The following PPP6C variants were observed in gnomAD, a reference collection of about 807,000 sequenced individuals.
PPP6C encodes serine/threonine-protein phosphatase 6 catalytic subunit.
In PPP6C, 11 loss-of-function variants were observed where a neutral mutation model predicts 39.8. The ratio of observed to expected loss-of-function variants is 0.28; its 90% CI spans 0.17 to 0.46. The LOEUF is 0.46. Among genes scored for constraint, PPP6C ranks in the 20% least tolerant of loss-of-function variants. The pLI is 1.00. For synonymous variants in PPP6C, 129 were observed against 130.3 expected (o/e 0.99, Z 0.07); for missense variants, 211 against 373.9 (o/e 0.56, Z 3.59).
chr9:125,167,414 G>T (rs1310569363), intron 2 of PPP6C, among the ~76,000 whole-genome samples: 3 of 139,510 alleles, frequency 2.2e-5, no homozygotes, highest in Non-Finnish European at 3.1e-5. Flanking sequence ...TAAAAAAAAG[G>T]CCGGGCATGG....
At chr9:125,188,963 G>C (rs369262129) in intron 1 of PPP6C, 17 of 1,543,434 alleles carry the variant, frequency 1.1e-5, no homozygotes, top group Non-Finnish European at 1.2e-5. Context: ...TTAAGAAGGG[G>C]TTAAGGAGAA....
Position 125,160,806 on chromosome 9 carries a change from T to A in PPP6C, c.237+35A>T, listed in dbSNP as rs770304401. The A allele has an allele frequency of 2.4e-5, 34 of 1,439,170 alleles. No individual in the cohort carries two copies. In the Admixed American group the frequency reaches 2.5e-4, roughly 11 times the overall value. The allele number at this position is 1,439,170 out of a possible 1,614,324, so 89.2% of individuals were successfully genotyped here. ...TTAATAAGTCAGATCCTTTCCATTTTAAACAAGCACTTGATATCACTGGTG... is the reference window on the plus strand; with the variant it reads ...TTAATAAGTCAGATCCTTTCCATTTAAAACAAGCACTTGATATCACTGGTG... On this transcript the variant is annotated intron_variant, in intron 3 of 6. Transcript: ENST00000373547.
rs1321462636 is a variant in PPP6C, at chr9:125,147,376, C to G, written c.*2297G>C. 1 of 152,176 alleles carries G rather than the reference C, an allele frequency of 6.6e-6. No homozygotes were observed. Among genetic ancestry groups the G allele is most frequent in the Non-Finnish European group, 1.5e-5 (1 of 68,036 alleles). 9.4% of individuals were successfully genotyped at this position (152,176 alleles called of 1,614,324 possible). Reference sequence around the variant, plus strand: ...AATCCTCCTGCCCATAAATCTATGACTTGCAAGTATCTTCCACCACATGAT... The same window carrying G: ...AATCCTCCTGCCCATAAATCTATGAGTTGCAAGTATCTTCCACCACATGAT... On this transcript the variant is annotated 3_prime_UTR_variant, in exon 7 of 7. Transcript: ENST00000373547.
intron 6 of PPP6C, among the ~76,000 whole-genome samples, chr9:125,152,864 T>C (rs955321743): frequency 6.6e-6 from 1 of 151,362 alleles, no homozygotes. Flanking sequence ...TTGTCTCTTG[T>C]AGAGGAAACT....
chr9:125,155,965 T>C (rs1836061949), intron 4 of PPP6C, among the ~76,000 whole-genome samples: 1 of 151,828 alleles, frequency 6.6e-6, no homozygotes, highest in Non-Finnish European at 1.5e-5. Flanking sequence ...ATTTTATATA[T>C]TATACATGTA....
chr9:125,151,126 CAGA>C (rs1835929191), intron 6 of PPP6C: 2 of 1,377,792 alleles, frequency 1.5e-6, no homozygotes, highest in Admixed American at 1.7e-5. Context: ...TATCTCTGAG[CAGA>C]AGAACTGCAC....
chr9:125,163,812 T>C (rs1011773773), intron 2 of PPP6C, among the ~76,000 whole-genome samples: 20 of 152,032 alleles, frequency 1.3e-4, no homozygotes, highest in African/African-American at 4.8e-4. Flanking sequence ...GCGTCAGTGA[T>C]ACATAGGTTC....
intron 2 of PPP6C, among the ~76,000 whole-genome samples, chr9:125,169,301 T>C (rs1233902212): frequency 6.6e-6 from 1 of 152,246 alleles, no homozygotes; most frequent in Non-Finnish European, 1.5e-5. Context: ...AAAAGTACTT[T>C]GTTAACCTCA....
intron 1 of PPP6C, among the ~76,000 whole-genome samples, chr9:125,185,706 T>A (rs1005336022): frequency 1.4e-5 from 2 of 143,530 alleles, no homozygotes; most frequent in Admixed American, 7.0e-5. Context: ...AAAAACAAAC[T>A]AACAGGCCAG....
intron 2 of PPP6C, 73 bp from the exon 3 acceptor site, chr9:125,160,979 A>G: frequency 9.3e-7 from 1 of 1,074,712 alleles, no homozygotes; most frequent in Non-Finnish European, 1.3e-6. Context: ...TGAGAGTGAA[A>G]TGTGTAAAGA....
intron 1 of PPP6C, among the ~76,000 whole-genome samples, chr9:125,182,229 A>T (rs1369584696): frequency 1.3e-5 from 2 of 152,152 alleles, no homozygotes; most frequent in Non-Finnish European, 2.9e-5. Context: ...TGCCCTCACA[A>T]ACACTGGGTT....
intron 1 of PPP6C, among the ~76,000 whole-genome samples, chr9:125,177,307 G>A (rs750139491): frequency 2.0e-5 from 3 of 152,034 alleles, no homozygotes; most frequent in Admixed American, 6.6e-5. Flanking sequence ...CCGGGAGGCC[G>A]AACTTGCAGT....
chr9:125,187,850 A>G (rs1400332962), intron 1 of PPP6C, among the ~76,000 whole-genome samples: 1 of 152,018 alleles, frequency 6.6e-6, no homozygotes, highest in African/African-American at 2.4e-5. Context: ...CACAAATGCT[A>G]CATTACTACT....
intron 1 of PPP6C, 46 bp downstream of exon 1, chr9:125,189,598 C>A (rs772036806): frequency 6.2e-7 from 1 of 1,609,078 alleles, no homozygotes; most frequent in Non-Finnish European, 8.5e-7. Context: ...GGCCGGCCGG[C>A]GGGCGCCCCA....
Position 125,158,521 on chromosome 9 carries a change from C to CA in PPP6C, c.238-140dup, listed in dbSNP as rs1171210353. The CA allele has an allele frequency of 7.8e-6, 7 of 893,980 alleles. No individual in the cohort carries two copies. The East Asian group carries it at 1.9e-4, about 24-fold the overall frequency. 55.4% of individuals were successfully genotyped at this position (893,980 alleles called of 1,614,324 possible). ...GAATTATTTGGAAATTTGATTTTAA[C>CA]AAAAAAATAAAATACACGTAAACAA... On this transcript the variant is annotated intron_variant, in intron 3 of 6. Coordinates refer to ENST00000373547, the MANE Select transcript of PPP6C (RefSeq NM_002721.5).
chr9:125,183,659 C>T (rs1829464499), intron 1 of PPP6C, among the ~76,000 whole-genome samples: 1 of 152,174 alleles, frequency 6.6e-6, no homozygotes, highest in African/African-American at 2.4e-5. Flanking sequence ...CCCGAACCAG[C>T]CATGTTCTTG....
At chr9:125,162,890 C>G (rs1198072368) in intron 2 of PPP6C, among the ~76,000 whole-genome samples, 1 of 151,884 alleles carries the variant, frequency 6.6e-6, no homozygotes, top group Non-Finnish European at 1.5e-5. Flanking sequence ...CCAGCCTGGC[C>G]AACATGGCGA....
At chr9:125,188,016 G>A (rs1368532806) in intron 1 of PPP6C, among the ~76,000 whole-genome samples, 1 of 152,030 alleles carries the variant, frequency 6.6e-6, no homozygotes, top group African/African-American at 2.4e-5. Context: ...CATACTTGTT[G>A]ACTGATGTTA....
intron 1 of PPP6C, among the ~76,000 whole-genome samples, chr9:125,174,834 C>G (rs868166330): frequency 6.6e-6 from 1 of 152,046 alleles, no homozygotes; most frequent in Non-Finnish European, 1.5e-5. Flanking sequence ...ATCGCTTGAG[C>G]CTTGGAGGCA....
Sources: allele counts gnomAD v4.1 joint callset (sites outside exome capture counted in the v4.1 genomes callset), GRCh38; gene constraint gnomAD v4.1.1; transcripts MANE v1.5; gene names NCBI Gene and HGNC (gene_info 2026-07-23, HGNC 2026-07-21).